The following AFF3 variants were observed in gnomAD, a reference collection of about 807,000 sequenced individuals.
AFF3 encodes AF4/FMR2 family member 3.
In AFF3, 32 loss-of-function variants were observed where a neutral mutation model predicts 129.7. That is an observed-to-expected ratio of 0.25 (90% CI 0.19 to 0.33). The LOEUF (loss-of-function observed/expected upper bound fraction) is 0.33. Among genes scored for constraint, AFF3 ranks in the 10% least tolerant of loss-of-function variants. The probability of loss-of-function intolerance (pLI) is 1.00; values close to 1 mark genes in which losing one functional copy is unlikely to be tolerated. For missense variants in AFF3, 1,373 were observed against 1,592.0 expected, an observed-to-expected ratio of 0.86 and a Z score of 2.34; for synonymous variants, 644 against 635.4, an observed-to-expected ratio of 1.01 and a Z score of -0.20.
intron 4 of AFF3, among the ~76,000 whole-genome samples, chr2:100,063,939 C>A (rs1821828): frequency 0.31 from 47,320 of 151,428 alleles, 7,725 homozygotes; most frequent in Middle Eastern, 0.46. Context: ...AAAATACAAA[C>A]TTAGCCGGGC....
At chr2:100,108,330 T>G (rs184658692) in intron 2 of AFF3, among the ~76,000 whole-genome samples, 1 of 152,316 alleles carries the variant, frequency 6.6e-6, no homozygotes, top group Non-Finnish European at 1.5e-5. Flanking sequence ...TCTGAGTGGT[T>G]CTAACCTAGG....
chr2:99,584,141 G>C lies in AFF3; in HGVS notation c.2592-1142C>G, dbSNP rs187685672. On this transcript the variant is annotated intron_variant, in intron 16 of 24. Transcript: ENST00000672756. Reference sequence around the variant, plus strand: ...AATATCTGAGTTTATGACTTAACCAGGGATTGATCAGATTAAACCTAGAAT... The same window carrying C: ...AATATCTGAGTTTATGACTTAACCACGGATTGATCAGATTAAACCTAGAAT... 6.5e-3 allele frequency among the ~76,000 whole-genome samples: 997 copies of C among 152,286 alleles called. 8 individuals are homozygous for C. Among genetic ancestry groups the C allele is most frequent in the African/African-American group, 0.023 (940 of 41,570 alleles).
rs549567883 is a variant in AFF3 at position 99,729,064 on chromosome 2, C to A, written c.1040-1936G>T. ...TATTTTTTTTCTCAAATATATGGAT[C>A]CTTTCCCCCAACCTGCTTTAATTTG... is the stretch of plus-strand genomic sequence containing the variant. On this transcript the variant is annotated intron_variant, in intron 10 of 24. Transcript: ENST00000672756. Among the ~76,000 whole-genome samples the A allele has an allele frequency of 1.8e-3, 277 of 152,178 alleles. 3 individuals are homozygous for A. The highest frequency in any genetic ancestry group is 6.8e-3 in the Middle Eastern group (2 of 294).
At chr2:99,952,045 A>G (rs1247151029) in intron 7 of AFF3, among the ~76,000 whole-genome samples, 1 of 152,120 alleles carries the variant, frequency 6.6e-6, no homozygotes, top group Non-Finnish European at 1.5e-5. Flanking sequence ...CTCTCCCTTT[A>G]TTTCAGAAAG....
At chr2:99,889,803 C>T (rs1393743524) in intron 7 of AFF3, among the ~76,000 whole-genome samples, 1 of 152,090 alleles carries the variant, frequency 6.6e-6, no homozygotes, top group South Asian at 2.1e-4. Context: ...GGATTATAGG[C>T]GTGTGCCACC....
chr2:99,837,456 C>T, intron 8 of AFF3, 21 bp downstream of exon 8: 1 of 1,608,102 alleles, frequency 6.2e-7, no homozygotes, highest in Non-Finnish European at 8.5e-7. Context: ...ATTGATAAGA[C>T]TGTTTAAAGA....
intron 7 of AFF3, among the ~76,000 whole-genome samples, chr2:99,895,639 G>A (rs559042342): frequency 4.6e-5 from 7 of 152,040 alleles, no homozygotes; most frequent in Admixed American, 2.6e-4. Flanking sequence ...GTGAGCGTCC[G>A]GGCTATGCTC....
At position 99,593,792 on chromosome 2, in the gene AFF3, C is replaced by T. The variant is rs944002568; in HGVS notation, c.1869G>A (p.Glu623=). Reference sequence around the variant, plus strand: ...TGCCACAGGGCCTGGTTTTGGTGGGCTCCGGGGGGACCACCACGCTCGTCC... The same window carrying T: ...TGCCACAGGGCCTGGTTTTGGTGGGTTCCGGGGGGACCACCACGCTCGTCC... ...ALGTSVVVPP[E]PTKTRPCGNN... The change falls in exon 15 of 25, where the codon GAG becomes GAA. Residue 623 remains glutamate (E), a synonymous_variant. Transcript: ENST00000672756. 1.6e-5 allele frequency: 25 copies of T among 1,611,632 alleles called. No homozygotes were observed. Among genetic ancestry groups the T allele is most frequent in the Non-Finnish European group, 2.1e-5 (25 of 1,179,746 alleles).
At chr2:99,913,305 A>ATCCC (rs1695235769) in intron 7 of AFF3, among the ~76,000 whole-genome samples, 1 of 152,210 alleles carries the variant, frequency 6.6e-6, no homozygotes. Context: ...TCAAATAAGT[A>ATCCC]AGTATACTGT....
At chr2:99,937,580 G>C (rs535997967) in intron 7 of AFF3, among the ~76,000 whole-genome samples, 56 of 152,234 alleles carry the variant, frequency 3.7e-4, no homozygotes, top group Non-Finnish European at 7.4e-4. Context: ...TGTATTTTTA[G>C]TAGAGACGGG....
chr2:99,932,733 C>T (rs1254919422), intron 7 of AFF3, among the ~76,000 whole-genome samples: 2 of 151,892 alleles, frequency 1.3e-5, no homozygotes, highest in Admixed American at 6.6e-5. Flanking sequence ...GTGCAAAATG[C>T]TCCACAACAT....
At position 99,554,464 on chromosome 2, in the gene AFF3, G is replaced by C. The variant is rs1319622671; in HGVS notation, c.3406C>G (p.Leu1136Val). 1 of 1,614,070 alleles carries C rather than the reference G, an allele frequency of 6.2e-7. No homozygotes were observed. Among genetic ancestry groups the C allele is most frequent in the South Asian group, 1.1e-5 (1 of 91,082 alleles). The change falls in exon 24 of 25, where the codon CTC becomes GTC. Residue 1136 changes from leucine (L) to valine (V), a missense_variant. Physicochemically the swap from Leu to Val is conservative, Grantham distance 32 (BLOSUM62 1). Transcript: ENST00000672756. ...PASSVGSQGSLSNASALSPST... is the reference protein window; with the variant it reads ...PASSVGSQGSVSNASALSPST... ...GGGGACAGGGCGCTGGCGTTGGAGA[G>C]GCTGCCCTGAGACCCCACGGAGCTG...
At chr2:99,830,838 T>C (rs919803048) in intron 8 of AFF3, among the ~76,000 whole-genome samples, 1 of 152,262 alleles carries the variant, frequency 6.6e-6, no homozygotes, top group Non-Finnish European at 1.5e-5. Flanking sequence ...GTTGTGCATC[T>C]GTATGACTAT....
chr2:99,907,887 C>G (rs1290983655), intron 7 of AFF3, among the ~76,000 whole-genome samples: 1 of 152,146 alleles, frequency 6.6e-6, no homozygotes, highest in Non-Finnish European at 1.5e-5. Context: ...TAGAGTCTAC[C>G]TTCTGATTCT....
intron 10 of AFF3, among the ~76,000 whole-genome samples, chr2:99,731,723 A>C (rs1485873574): frequency 6.6e-6 from 1 of 152,258 alleles, no homozygotes; most frequent in Non-Finnish European, 1.5e-5. Flanking sequence ...TAGTCACTAA[A>C]GAAGAAAGCA....
chr2:99,756,743 A>C (rs1682131096), intron 8 of AFF3, among the ~76,000 whole-genome samples: 1 of 152,238 alleles, frequency 6.6e-6, no homozygotes, highest in East Asian at 1.9e-4. Flanking sequence ...CTCTCAAAGA[A>C]GTCTTTATAC....
chr2:99,744,148 A>C lies in AFF3; in HGVS notation c.1003-8T>G. 6.2e-7 allele frequency: 1 copy of C among 1,604,048 alleles called. No homozygotes were observed. On this transcript the variant is annotated splice_polypyrimidine_tract_variant and splice_region_variant and intron_variant, in intron 9 of 24. Transcript: ENST00000672756. The stretch of plus-strand genomic sequence containing the variant: ...GGATACAAGCTGAGAGTCCTGAAAG[A>C]ACAAGAAATATCAATTAATTTTCTT...
At chr2:99,665,167 G>A (rs986696717) in intron 12 of AFF3, among the ~76,000 whole-genome samples, 11 of 152,206 alleles carry the variant, frequency 7.2e-5, no homozygotes, top group Non-Finnish European at 1.5e-4. Flanking sequence ...GCCATGCTGA[G>A]GGCTCCGAAT....
intron 1 of AFF3, among the ~76,000 whole-genome samples, chr2:100,130,544 C>T (rs1459118785): frequency 6.6e-6 from 1 of 152,206 alleles, no homozygotes; most frequent in African/African-American, 2.4e-5. Context: ...GCCGTGTGCC[C>T]ACAGGCACAT....
Sources: allele counts gnomAD v4.1 joint callset (sites outside exome capture counted in the v4.1 genomes callset), GRCh38; gene constraint gnomAD v4.1.1; transcripts MANE v1.5; gene names NCBI Gene and HGNC (gene_info 2026-07-23, HGNC 2026-07-21).